PRKN: variants seen among roughly 807,000 people sequenced by gnomAD.
PRKN encodes the protein E3 ubiquitin-protein ligase parkin.
PRKN carries 56 observed loss-of-function variants against 59.5 expected under a neutral mutation model. The ratio of observed to expected loss-of-function variants is 0.94; its 90% CI spans 0.76 to 1.18. The LOEUF is 1.18. PRKN is among the 50% of genes most tolerant of loss of function. The pLI, the probability that PRKN is intolerant of heterozygous loss-of-function variation, is 0.00. For synonymous variants in PRKN, 250 were observed against 222.1 expected (o/e 1.13, Z -1.12); for missense variants, 657 against 596.4 (o/e 1.10, Z -1.06).
At chr6:162,580,666 C>T (rs2128211192) in intron 1 of PRKN, among the ~76,000 whole-genome samples, 1 of 152,168 alleles carries the variant, frequency 6.6e-6, no homozygotes, top group South Asian at 2.1e-4. Context: ...GGTCCATGAA[C>T]TGTGTTGGAC....
intron 4 of PRKN, among the ~76,000 whole-genome samples, chr6:162,173,464 C>T (rs1006382944): frequency 2.0e-5 from 3 of 151,784 alleles, no homozygotes; most frequent in African/African-American, 4.8e-5. Context: ...TTGGTGTTGA[C>T]CTTTGACACT....
chr6:162,683,105 C>A (rs1779833740), intron 1 of PRKN, among the ~76,000 whole-genome samples: 1 of 152,084 alleles, frequency 6.6e-6, no homozygotes, highest in Non-Finnish European at 1.5e-5. Context: ...GAATGCAAAA[C>A]AGCTGCTATT....
Position 162,389,281 on chromosome 6 carries a change from C to G in PRKN, c.171+54029G>C, listed in dbSNP as rs76587525. On this transcript the variant is annotated intron_variant, in intron 2 of 11. Coordinates refer to ENST00000366898, the MANE Select transcript of PRKN (RefSeq NM_004562.3). Reference sequence around the variant, plus strand: ...GCTTAATCCTGTTGAAAGAAGCCACCAAGAAGAGCTGGGGCACCGGTGGGT... The same window carrying G: ...GCTTAATCCTGTTGAAAGAAGCCACGAAGAAGAGCTGGGGCACCGGTGGGT... Among the ~76,000 whole-genome samples the G allele has an allele frequency of 3.4e-3, 524 of 152,136 alleles. 8 individuals carry two copies. The highest frequency in any genetic ancestry group is 0.012 in the African/African-American group (507 of 41,528).
chr6:162,475,015 C>T (rs1301141776), intron 1 of PRKN, among the ~76,000 whole-genome samples: 1 of 151,994 alleles, frequency 6.6e-6, no homozygotes, highest in Non-Finnish European at 1.5e-5. Flanking sequence ...GTTTATTTTC[C>T]CCTCCAGACA....
In PRKN at chr6:161,462,547, G is replaced by A. The variant is rs778018693; in HGVS notation, c.1084-75670C>T. Among the ~76,000 whole-genome samples, 10 of 152,136 alleles carry A rather than the reference G, an allele frequency of 6.6e-5. No homozygotes were observed. The highest frequency in any genetic ancestry group is 1.2e-4 in the African/African-American group (5 of 41,442). On this transcript the variant is annotated intron_variant, in intron 9 of 11. Coordinates refer to ENST00000366898, the MANE Select transcript of PRKN (RefSeq NM_004562.3). This position sits in a 1 kb window ranked among gnomAD's most constrained non-coding sequence, Gnocchi z 4.5. ...TCTTTCTGGAAAAATATTCTCTGAA[G>A]TGAAATGACACCATGATGTCTGATC...
chr6:162,383,148 T>C (rs1786589067), intron 2 of PRKN, among the ~76,000 whole-genome samples: 1 of 152,180 alleles, frequency 6.6e-6, no homozygotes, highest in Non-Finnish European at 1.5e-5. Context: ...TGTTAATATT[T>C]TGACCTCTTC....
intron 6 of PRKN, among the ~76,000 whole-genome samples, chr6:161,800,995 G>A (rs1394558306): frequency 2.0e-5 from 3 of 152,146 alleles, no homozygotes; most frequent in African/African-American, 4.8e-5. Flanking sequence ...TACCTAGGAG[G>A]AGCTCCAAAA....
chr6:162,084,070 T>C (rs1450832264), intron 4 of PRKN, among the ~76,000 whole-genome samples: 2 of 152,126 alleles, frequency 1.3e-5, no homozygotes, highest in Admixed American at 6.5e-5. Context: ...AATTATAATG[T>C]TGATTTAGTT....
At chr6:162,155,325 A>G (rs1056893130) in intron 4 of PRKN, among the ~76,000 whole-genome samples, 1 of 152,164 alleles carries the variant, frequency 6.6e-6, no homozygotes, top group South Asian at 2.1e-4. Context: ...AAACTAATTT[A>G]AATAATCAAG....
At chr6:161,701,066 A>C (rs1008067196) in intron 7 of PRKN, among the ~76,000 whole-genome samples, 15 of 152,230 alleles carry the variant, frequency 9.9e-5, no homozygotes, top group Non-Finnish European at 1.9e-4. Flanking sequence ...GTGCCAGTCC[A>C]TCATTCCTGT....
In PRKN at chr6:161,395,948, G is replaced by C. The variant is rs1489515902; in HGVS notation, c.1084-9071C>G. 6.6e-6 allele frequency among the ~76,000 whole-genome samples: 1 copy of C among 152,136 alleles called. No individual in the cohort carries two copies. Among genetic ancestry groups the C allele is most frequent in the East Asian group, 1.9e-4 (1 of 5,196 alleles). On this transcript the variant is annotated intron_variant, in intron 9 of 11. Coordinates refer to ENST00000366898, the MANE Select transcript of PRKN (RefSeq NM_004562.3). This position sits in a 1 kb window ranked among gnomAD's most constrained non-coding sequence, Gnocchi z 5.0. ...AGACAGCCAACAAATTAGAGGTCCA[G>C]GTTAGAGAGAAAGAAACAGTGAATG...
chr6:162,726,968 G>A (rs140665427), intron 1 of PRKN, among the ~76,000 whole-genome samples: 2 of 150,890 alleles, frequency 1.3e-5, no homozygotes, highest in South Asian at 4.2e-4. Context: ...ACTAAGTTTC[G>A]TTCACAAACT....
chr6:161,437,777 C>T (rs1461098894), intron 9 of PRKN, among the ~76,000 whole-genome samples: 1 of 152,140 alleles, frequency 6.6e-6, no homozygotes, highest in Admixed American at 6.5e-5. Flanking sequence ...ACTAAGCTCA[C>T]CTAAGCAGGG....
Position 161,484,408 on chromosome 6 carries a change from T to C in PRKN, c.1083+64446A>G, listed in dbSNP as rs910074238. Among the ~76,000 whole-genome samples, 3 of 152,158 alleles carry C rather than the reference T, an allele frequency of 2.0e-5. No homozygotes were observed. The highest frequency in any genetic ancestry group is 7.2e-5 in the African/African-American group (3 of 41,436). On this transcript the variant is annotated intron_variant, in intron 9 of 11. Coordinates refer to ENST00000366898, the MANE Select transcript of PRKN (RefSeq NM_004562.3). The surrounding 1 kb of genome is among the most constrained non-coding windows in gnomAD (Gnocchi z 4.9). ...GTATCATTATTTCCTTTACTAACAATAACTAAGATGCACTGGGTACGTTAC... is the reference window on the plus strand; with the variant it reads ...GTATCATTATTTCCTTTACTAACAACAACTAAGATGCACTGGGTACGTTAC...
At chr6:161,491,351 C>T (rs557964535) in intron 9 of PRKN, among the ~76,000 whole-genome samples, 11 of 152,182 alleles carry the variant, frequency 7.2e-5, no homozygotes, top group East Asian at 3.9e-4. Flanking sequence ...CGTGAGAGGG[C>T]GTTGATGGGG....
chr6:162,396,812 C>G (rs1787500627), intron 2 of PRKN, among the ~76,000 whole-genome samples: 1 of 152,056 alleles, frequency 6.6e-6, no homozygotes, highest in African/African-American at 2.4e-5. Context: ...TTTTACCTGC[C>G]CAGAATTCTT....
rs188999725 is a variant in PRKN at position 161,691,308 on chromosome 6, C to T, written c.871+94464G>A. 4.5e-4 allele frequency among the ~76,000 whole-genome samples: 69 copies of T among 152,274 alleles called. 1 individual carries two copies. In the East Asian group the frequency reaches 0.011, roughly 23 times the overall value. ...GCCTCTTGGGTCTAATCTTTTCTTCCGAAGCAAGGCCCCTGCAGGCAGCTC... is the reference window on the plus strand; with the variant it reads ...GCCTCTTGGGTCTAATCTTTTCTTCTGAAGCAAGGCCCCTGCAGGCAGCTC... On this transcript the variant is annotated intron_variant, in intron 7 of 11. Coordinates refer to ENST00000366898, the MANE Select transcript of PRKN (RefSeq NM_004562.3).
intron 1 of PRKN, among the ~76,000 whole-genome samples, chr6:162,497,788 G>C (rs543065064): frequency 6.6e-6 from 1 of 152,320 alleles, no homozygotes; most frequent in East Asian, 1.9e-4. Flanking sequence ...AGGAGGAAAA[G>C]AGGTTGGTTA....
Position 161,988,340 on chromosome 6 carries a change from T to C in PRKN, c.619-14923A>G, listed in dbSNP as rs929401528. 4.9e-4 allele frequency among the ~76,000 whole-genome samples: 75 copies of C among 151,814 alleles called. 1 individual carries two copies. Among genetic ancestry groups the C allele is most frequent in the African/African-American group, 1.8e-3 (73 of 41,424 alleles). ...CGTCTCTACTAAAAATACAAAAAAT[T>C]AGCTGGGTGTAGTGGGGCGCGCATG... On this transcript the variant is annotated intron_variant, in intron 5 of 11. Coordinates refer to ENST00000366898, the MANE Select transcript of PRKN (RefSeq NM_004562.3).
Sources: allele counts gnomAD v4.1 joint callset (sites outside exome capture counted in the v4.1 genomes callset), GRCh38; gene constraint gnomAD v4.1.1; non-coding constraint Gnocchi (gnomAD v3.1); transcripts MANE v1.5; gene names NCBI Gene and HGNC (gene_info 2026-07-23, HGNC 2026-07-21).